Variants in FGFR3 observed in about 807,000 individuals in gnomAD.
FGFR3 encodes the protein FGFR-3.
In FGFR3, 25 loss-of-function variants were observed where a neutral mutation model predicts 82.9. The observed-to-expected ratio is 0.30, with a 90% CI of 0.22 to 0.42. FGFR3 has a LOEUF of 0.42. FGFR3 is among the 10% of genes least tolerant of loss of function. The pLI, the probability that FGFR3 is intolerant of heterozygous loss-of-function variation, is 1.00. For missense variants in FGFR3, 1,026 were observed against 1,161.0 expected, an observed-to-expected ratio of 0.88 and a Z score of 1.69; for synonymous variants, 620 against 516.0, an observed-to-expected ratio of 1.20 and a Z score of -2.73.
chr4:1,801,718 G>A lies in FGFR3; in HGVS notation c.714G>A (p.Arg238=), dbSNP rs2108782274. The part of the protein sequence containing the change: ...CVVENKFGSI[R]QTYTLDVLER... ...TGGAGAACAAGTTTGGCAGCATCCG[G>A]CAGACGTACACGCTGGACGTGCTGG... The change falls in exon 6 of 18, where the codon CGG becomes CGA. Residue 238 remains arginine (R), a synonymous_variant. Coordinates refer to ENST00000440486, the MANE Select transcript of FGFR3 (RefSeq NM_000142.5). The A allele has an allele frequency of 1.2e-6, 2 of 1,608,788 alleles. No homozygotes were observed. The highest frequency in any genetic ancestry group is 1.1e-5 in the South Asian group (1 of 90,552).
At position 1,808,304 on chromosome 4, in the gene FGFR3, G is replaced by T. The variant is rs1206078688; in HGVS notation, c.*1042G>T. 3 of 232,878 alleles carry T rather than the reference G, an allele frequency of 1.3e-5. No individual in the cohort carries two copies. Among genetic ancestry groups the T allele is most frequent in the African/African-American group, 4.4e-5 (2 of 45,400 alleles). 14.4% of individuals were successfully genotyped at this position (232,878 alleles called of 1,614,324 possible). On this transcript the variant is annotated 3_prime_UTR_variant, in exon 18 of 18. Coordinates refer to ENST00000440486, the MANE Select transcript of FGFR3 (RefSeq NM_000142.5). ...GGATCCCCTCCAAGCCTAAAAGGTT[G>T]TTAATAGTTGGAGGTGATTCCAGTG...
intron 4 of FGFR3, 51 bp from the exon 5 acceptor site, chr4:1,801,316 G>T: frequency 6.5e-7 from 1 of 1,532,532 alleles, no homozygotes; most frequent in Non-Finnish European, 8.8e-7. Flanking sequence ...TGTTCAGAGG[G>T]GCCTCTGCTC....
Position 1,807,302 on chromosome 4 carries a change from G to T in FGFR3, c.*40G>T. The T allele has an allele frequency of 6.4e-7, 1 of 1,561,840 alleles. No individual in the cohort carries two copies. On this transcript the variant is annotated 3_prime_UTR_variant, in exon 18 of 18. Coordinates refer to ENST00000440486, the MANE Select transcript of FGFR3 (RefSeq NM_000142.5). ...CCAACAATGTGAGGGGTCCCTAGCAGCCCACCCTGCTGCTGGTGCACAGCC... is the reference window on the plus strand; with the variant it reads ...CCAACAATGTGAGGGGTCCCTAGCATCCCACCCTGCTGCTGGTGCACAGCC...
Position 1,799,505 on chromosome 4 carries a change from T to G in FGFR3, c.361T>G (p.Phe121Val), listed in dbSNP as rs1397454065. ...QRLTQRVLCH[F>V]SVRVTDAPSS... ...GCTCACGCAGCGCGTACTGTGCCAC[T>G]TCAGTGTGCGGGTGACAGGTGAGCT... The change falls in exon 3 of 18, where the codon TTC becomes GTC. Residue 121 changes from phenylalanine to valine, a missense_variant. By Grantham distance (50) the Phe-to-Val change is conservative. Coordinates refer to ENST00000440486, the MANE Select transcript of FGFR3 (RefSeq NM_000142.5). 1 of 1,559,576 alleles carries G rather than the reference T, an allele frequency of 6.4e-7. No individual in the cohort carries two copies. Among genetic ancestry groups the G allele is most frequent in the Non-Finnish European group, 8.7e-7 (1 of 1,152,676 alleles).
intron 15 of FGFR3, 38 bp from the exon 16 acceptor site, chr4:1,806,508 G>A (rs559179924): frequency 1.1e-5 from 18 of 1,612,640 alleles, no homozygotes; most frequent in Non-Finnish European, 1.5e-5. Context: ...GTCTGTCCTG[G>A]GAGTCTCAGG....
chr4:1,804,233 C>T (rs772133021), intron 8 of FGFR3, 97 bp from the exon 9 acceptor site: 109 of 1,397,176 alleles, frequency 7.8e-5, no homozygotes, highest in East Asian at 5.3e-4. Context: ...AGCCCCCTTC[C>T]GCTCCCAGTG....
intron 8 of FGFR3, 70 bp downstream of exon 8, chr4:1,803,906 G>T: frequency 6.6e-7 from 1 of 1,503,926 alleles, no homozygotes; most frequent in East Asian, 2.3e-5. Flanking sequence ...CGCCAAAGCT[G>T]CCAGGACGGA....
Position 1,807,224 on chromosome 4 carries a change from C to T in FGFR3, c.2383C>T (p.Pro795Ser), listed in dbSNP as rs1722052275. 6.2e-7 allele frequency: 1 copy of T among 1,607,608 alleles called. No homozygotes were observed. The highest frequency in any genetic ancestry group is 1.3e-5 in the African/African-American group (1 of 74,972). Reference sequence around the variant, plus strand: ...CTCCGTGTTTGCCCACGACCTGCTGCCCCCGGCCCCACCCAGCAGTGGGGG... The same window carrying T: ...CTCCGTGTTTGCCCACGACCTGCTGTCCCCGGCCCCACCCAGCAGTGGGGG... ...DDSVFAHDLL[P>S]PAPPSSGGSR... Residue 795 changes from proline to serine, a missense_variant, in exon 18 of 18, where the codon CCC becomes TCC. Coordinates refer to ENST00000440486, the MANE Select transcript of FGFR3 (RefSeq NM_000142.5).
In FGFR3 at chr4:1,799,292, G is replaced by T. The variant is rs954904695; in HGVS notation, c.148G>T (p.Val50Phe). The change falls in exon 3 of 18, where the codon GTC (valine) becomes TTC (phenylalanine). Residue 50 changes from valine (V) to phenylalanine (F), a missense_variant. Physicochemically the swap from Val to Phe is conservative, Grantham distance 50. Transcript: ENST00000440486. ...GPEPGQQEQL[V>F]FGSGDAVELS... ...AGAGCCCGGCCAGCAGGAGCAGTTGGTCTTCGGCAGCGGGGATGCTGTGGA... is the reference window on the plus strand; with the variant it reads ...AGAGCCCGGCCAGCAGGAGCAGTTGTTCTTCGGCAGCGGGGATGCTGTGGA... 24 of 1,612,604 alleles carry T rather than the reference G, an allele frequency of 1.5e-5. No individual in the cohort carries two copies. The highest frequency in any genetic ancestry group is 1.9e-5 in the Non-Finnish European group (23 of 1,179,976).
Sources: gnomAD v4.1 joint callset for allele counts on GRCh38, gnomAD v4.1.1 for gene constraint, MANE v1.5 for transcripts, NCBI Gene and HGNC (gene_info 2026-07-23, HGNC 2026-07-21) for gene names.